Variants in KREMEN1 observed in about 807,000 individuals in gnomAD.
KREMEN1 encodes the protein kremen protein 1.
In KREMEN1, 30 loss-of-function variants were observed where a neutral mutation model predicts 46.5. The ratio of observed to expected loss-of-function variants is 0.65; its 90% CI spans 0.48 to 0.88. The LOEUF (loss-of-function observed/expected upper bound fraction) is 0.88, where lower values mean the gene tolerates loss of function less well. KREMEN1 is among the 40% of genes least tolerant of loss of function. The pLI is 0.00. For synonymous variants in KREMEN1, 214 were observed against 230.6 expected, an observed-to-expected ratio of 0.93 and a Z score of 0.65; for missense variants, 533 against 596.9, an observed-to-expected ratio of 0.89 and a Z score of 1.11.
chr22:29,166,235 T>C (rs1335401490), intron 9 of KREMEN1, among the ~76,000 whole-genome samples: 3 of 152,040 alleles, frequency 2.0e-5, no homozygotes, highest in Non-Finnish European at 2.9e-5. Context: ...CTTTTTTTTT[T>C]TTTTTCCACA....
intron 3 of KREMEN1, among the ~76,000 whole-genome samples, chr22:29,103,128 G>T (rs1444415514): frequency 1.3e-5 from 2 of 152,180 alleles, no homozygotes; most frequent in Non-Finnish European, 2.9e-5. Flanking sequence ...CCTATTTCTG[G>T]ATGTGGAGTC....
chr22:29,086,294 G>T (rs148247962), intron 1 of KREMEN1, among the ~76,000 whole-genome samples: 2 of 152,182 alleles, frequency 1.3e-5, no homozygotes, highest in Non-Finnish European at 2.9e-5. Context: ...TGTCTGAGTG[G>T]TTTGTTCAAA....
At chr22:29,135,589 C>A (rs2145840939) in intron 5 of KREMEN1, among the ~76,000 whole-genome samples, 1 of 152,308 alleles carries the variant, frequency 6.6e-6, no homozygotes, top group South Asian at 2.1e-4. Context: ...TGCTGGCCAA[C>A]CCGAGTCACT....
In KREMEN1 at chr22:29,145,036, C is replaced by T. The variant is rs2145860045; in HGVS notation, c.*2924C>T. ...GCGTACGGGCAGGAGGGCTGTAAAT[C>T]ATCCCAGGCTAAGCCTCCGTGGGCA... is the stretch of plus-strand genomic sequence containing the variant. On this transcript the variant is annotated 3_prime_UTR_variant, in exon 9 of 9. Transcript: ENST00000400335. The T allele has an allele frequency of 2.0e-6, 2 of 985,538 alleles. No individual in the cohort carries two copies. The highest frequency in any genetic ancestry group is 1.7e-5 in the African/African-American group (1 of 57,374). 61.0% of individuals were successfully genotyped at this position (985,538 alleles called of 1,614,324 possible).
chr22:29,152,471 T>A (rs1010267187), intron 9 of KREMEN1, among the ~76,000 whole-genome samples: 1 of 152,186 alleles, frequency 6.6e-6, no homozygotes, highest in African/African-American at 2.4e-5. Flanking sequence ...CCCTTTCCCA[T>A]GTAGGGAGTC....
chr22:29,166,567 CAACCTGCAGAAGTT>C (rs1872331925), intron 9 of KREMEN1, among the ~76,000 whole-genome samples: 2 of 152,206 alleles, frequency 1.3e-5, no homozygotes, highest in African/African-American at 4.8e-5. Context: ...GAGTATGTTA[CAACCTGCAGAAGTT>C]ACAGAAACCC....
Position 29,155,719 on chromosome 22 carries a change from G to A in KREMEN1, c.1417-11325G>A, listed in dbSNP as rs557208150. Among the ~76,000 whole-genome samples, 130 of 152,134 alleles carry A rather than the reference G, an allele frequency of 8.5e-4. 3 individuals carry two copies. The highest frequency in any genetic ancestry group is 2.4e-4 in the Non-Finnish European group (16 of 68,040). On this transcript the variant is annotated intron_variant, in intron 9 of 9. Transcript: ENST00000327813. ...CACACCTGTAATTCCAGCACTTTGA[G>A]AGGCCAAGGCAGGAGGATCACCTGA...
At position 29,142,494 on chromosome 22, in the gene KREMEN1, T is replaced by C; in HGVS notation, c.*382T>C. 1.0e-6 allele frequency: 1 copy of C among 1,002,100 alleles called. No homozygotes were observed. The highest frequency in any genetic ancestry group is 1.2e-6 in the Non-Finnish European group (1 of 841,370). The allele number at this position is 1,002,100 out of a possible 1,614,324, so 62.1% of individuals were successfully genotyped here. On this transcript the variant is annotated 3_prime_UTR_variant, in exon 9 of 9. Transcript: ENST00000400335. ...CAGGTGGTGGGTAGCTTTAGTTACA[T>C]TGAATTTTTCTTGCTTCTCTATTTT...
At chr22:29,165,664 A>G (rs1311877093) in intron 9 of KREMEN1, among the ~76,000 whole-genome samples, 1 of 152,188 alleles carries the variant, frequency 6.6e-6, no homozygotes, top group East Asian at 1.9e-4. Flanking sequence ...ACAACTAAGA[A>G]GTGGCAGGCC....
chr22:29,158,083 C>T (rs542296012), intron 9 of KREMEN1, among the ~76,000 whole-genome samples: 8 of 152,318 alleles, frequency 5.3e-5, no homozygotes, highest in African/African-American at 1.7e-4. Context: ...TTCAAAAACT[C>T]GTAGTCATGT....
rs2038407332 is a variant in KREMEN1 at position 29,124,412 on chromosome 22, C to T, written c.478-851C>T. On this transcript the variant is annotated intron_variant, in intron 4 of 8. Transcript: ENST00000400335. ...TGCCAGGGTTTCTGGGGGAGGGGGC[C>T]TATAAAGCAATAGTGCAAAGAAAAT... Among the ~76,000 whole-genome samples, 7 of 151,866 alleles carry T rather than the reference C, an allele frequency of 4.6e-5. No individual in the cohort carries two copies. In the South Asian group the frequency reaches 1.5e-3, roughly 32 times the overall value.
chr22:29,089,156 T>C (rs1379739985), intron 1 of KREMEN1, among the ~76,000 whole-genome samples: 1 of 152,162 alleles, frequency 6.6e-6, no homozygotes, highest in Non-Finnish European at 1.5e-5. Flanking sequence ...TCAGCCTTTT[T>C]CCTCAACTCC....
chr22:29,161,494 GAGACTCCATCTCAAAAAAAAAAA>G (rs1194424820), intron 9 of KREMEN1, among the ~76,000 whole-genome samples: 1 of 114,826 alleles, frequency 8.7e-6, no homozygotes, highest in Admixed American at 1.0e-4. Context: ...GTGACAGAGT[GAGACTCCATCTCAAAAAAAAAAA>G]AAAAAAAAAA....
intron 3 of KREMEN1, among the ~76,000 whole-genome samples, chr22:29,115,562 G>T (rs906381185): frequency 1.4e-4 from 21 of 152,326 alleles, no homozygotes; most frequent in African/African-American, 5.1e-4. Flanking sequence ...ACCACTCCAG[G>T]CCCTGGGAAT....
Position 29,141,227 on chromosome 22 carries a change from G to A in KREMEN1, c.1209-717G>A, listed in dbSNP as rs1314011605. Reference sequence around the variant, plus strand: ...AATTTTTAGTGGAAATAATGTCCTCGTGTGTGTGTGTGTGTGTGTGTGTCT... The same window carrying A: ...AATTTTTAGTGGAAATAATGTCCTCATGTGTGTGTGTGTGTGTGTGTGTCT... On this transcript the variant is annotated intron_variant, in intron 8 of 8. Coordinates refer to ENST00000400335, the MANE Select transcript of KREMEN1 (RefSeq NM_001039570.3). Among the ~76,000 whole-genome samples, 6 of 7,814 alleles carry A rather than the reference G, an allele frequency of 7.7e-4. No individual in the cohort carries two copies. The South Asian group carries it at 0.027, about 35-fold the overall frequency. The allele number at this position is 7,814 out of a possible 152,430, so 5.1% of individuals were successfully genotyped here.
intron 1 of KREMEN1, among the ~76,000 whole-genome samples, chr22:29,086,070 A>G (rs963373386): frequency 3.3e-5 from 5 of 151,094 alleles, no homozygotes; most frequent in Non-Finnish European, 7.4e-5. Context: ...CCATTAGAGA[A>G]ACGTAGAATT....
At chr22:29,128,059 C>T (rs959232087) in intron 5 of KREMEN1, among the ~76,000 whole-genome samples, 12 of 152,044 alleles carry the variant, frequency 7.9e-5, no homozygotes, top group East Asian at 3.9e-4. Flanking sequence ...AGCCAGATTC[C>T]GGGTTGCCAA....
intron 3 of KREMEN1, among the ~76,000 whole-genome samples, chr22:29,100,990 G>T (rs1216447903): frequency 6.6e-6 from 1 of 152,186 alleles, no homozygotes; most frequent in Non-Finnish European, 1.5e-5. Context: ...GTTGGCTCAC[G>T]CCTGTAATCC....
intron 9 of KREMEN1, among the ~76,000 whole-genome samples, chr22:29,161,436 G>T (rs971060762): frequency 6.7e-6 from 1 of 149,846 alleles, no homozygotes; most frequent in East Asian, 2.0e-4. Context: ...GAACCCGGGA[G>T]GCAGAGCTTG....
Sources: gnomAD v4.1 joint callset for allele counts (sites outside exome capture counted in the v4.1 genomes callset) on GRCh38, gnomAD v4.1.1 for gene constraint, MANE v1.5 for transcripts, NCBI Gene and HGNC (gene_info 2026-07-23, HGNC 2026-07-21) for gene names.